The following BANK1 variants were observed in gnomAD, a reference collection of about 807,000 sequenced individuals.
BANK1 encodes B-cell scaffold protein with ankyrin repeats.
In BANK1, 95 loss-of-function variants were observed where a neutral mutation model predicts 94.5. The ratio of observed to expected loss-of-function variants is 1.00; its 90% CI spans 0.85 to 1.19. BANK1 has a LOEUF of 1.19. Among genes scored for constraint, BANK1 ranks in the 50% most tolerant of loss-of-function variants. BANK1 has a pLI of 0.00. For missense variants in BANK1, 987 were observed against 932.2 expected (o/e 1.06, Z -0.77); for synonymous variants, 334 against 308.4 (o/e 1.08, Z -0.87).
chr4:101,880,105 G>T lies in BANK1; in HGVS notation c.903+9461G>T, dbSNP rs189774561. Among the ~76,000 whole-genome samples the T allele has an allele frequency of 1.0e-3, 152 of 152,058 alleles. No individual in the cohort carries two copies. The East Asian group carries it at 0.013, about 13-fold the overall frequency. On this transcript the variant is annotated intron_variant, in intron 5 of 16. Transcript: ENST00000322953. ...TCCTAGCTAGAGCAATAAGAGAAAA[G>T]AAATAAATAAAGGCATCCAAACTGG...
intron 7 of BANK1, among the ~76,000 whole-genome samples, chr4:101,997,410 G>A (rs532481528): frequency 6.6e-6 from 1 of 152,194 alleles, no homozygotes; most frequent in South Asian, 2.1e-4. Flanking sequence ...TTGTGTCTCT[G>A]CCAGGTTTTG....
intron 5 of BANK1, among the ~76,000 whole-genome samples, chr4:101,894,694 T>G (rs1423871857): frequency 3.3e-5 from 5 of 151,920 alleles, no homozygotes; most frequent in Admixed American, 6.6e-5. Context: ...GAATACTGGT[T>G]TTTGTAACAG....
At chr4:101,812,672 T>C (rs2148855098) in intron 1 of BANK1, among the ~76,000 whole-genome samples, 1 of 152,202 alleles carries the variant, frequency 6.6e-6, no homozygotes, top group South Asian at 2.1e-4. Flanking sequence ...CTTCATATTC[T>C]AAAATCATTT....
chr4:102,053,038 A>G (rs1013315944), intron 11 of BANK1, among the ~76,000 whole-genome samples: 2 of 152,360 alleles, frequency 1.3e-5, no homozygotes, highest in African/African-American at 4.8e-5. Flanking sequence ...CATTGGTCAC[A>G]ACAAAAGGGA....
intron 11 of BANK1, among the ~76,000 whole-genome samples, chr4:102,055,343 C>T (rs1466930085): frequency 6.6e-6 from 1 of 151,710 alleles, no homozygotes; most frequent in Non-Finnish European, 1.5e-5. Context: ...TTTAAAAAAT[C>T]TTATAAAATA....
intron 2 of BANK1, among the ~76,000 whole-genome samples, chr4:101,845,274 C>T (rs769506143): frequency 1.1e-4 from 16 of 152,188 alleles, no homozygotes; most frequent in Middle Eastern, 6.8e-3. Flanking sequence ...AAAGATACTA[C>T]ATCACCAATT....
At chr4:101,952,686 C>T (rs1305349004) in intron 7 of BANK1, among the ~76,000 whole-genome samples, 2 of 151,994 alleles carry the variant, frequency 1.3e-5, no homozygotes, top group Non-Finnish European at 2.9e-5. Flanking sequence ...AAATCAATGC[C>T]AGACCTTGAT....
intron 10 of BANK1, among the ~76,000 whole-genome samples, chr4:102,039,132 C>T (rs1310219061): frequency 5.9e-5 from 9 of 152,146 alleles, no homozygotes; most frequent in African/African-American, 1.4e-4. Context: ...CACCTACATA[C>T]GTCTGCCATG....
chr4:101,903,599 G>C (rs563311243), intron 6 of BANK1, among the ~76,000 whole-genome samples: 1 of 152,118 alleles, frequency 6.6e-6, no homozygotes, highest in Non-Finnish European at 1.5e-5. Context: ...GACTTGCTTT[G>C]CAATTAGTTG....
intron 1 of BANK1, among the ~76,000 whole-genome samples, chr4:101,815,494 T>C (rs1308000877): frequency 6.6e-6 from 1 of 152,148 alleles, no homozygotes; most frequent in Non-Finnish European, 1.5e-5. Flanking sequence ...ATGTCAATTA[T>C]TTCTTCAAGA....
intron 1 of BANK1, among the ~76,000 whole-genome samples, chr4:101,797,022 T>G (rs965351840): frequency 2.6e-5 from 4 of 152,168 alleles, no homozygotes; most frequent in African/African-American, 9.7e-5. Flanking sequence ...TTAATATCAG[T>G]ATGAAGCAAT....
intron 7 of BANK1, among the ~76,000 whole-genome samples, chr4:101,989,101 A>T (rs925590270): frequency 6.6e-6 from 1 of 152,150 alleles, no homozygotes; most frequent in African/African-American, 2.4e-5. Flanking sequence ...AGGCAGAAGG[A>T]CTGCTTGAGC....
intron 5 of BANK1, among the ~76,000 whole-genome samples, chr4:101,884,354 AT>A (rs1274402592): frequency 2.0e-5 from 3 of 151,218 alleles, no homozygotes; most frequent in African/African-American, 7.3e-5. Flanking sequence ...TCCTGATTCA[AT>A]TTTTTTTTGT....
At chr4:101,844,502 T>C (rs935178236) in intron 2 of BANK1, among the ~76,000 whole-genome samples, 1 of 152,136 alleles carries the variant, frequency 6.6e-6, no homozygotes, top group African/African-American at 2.4e-5. Flanking sequence ...ACTTCTCTTG[T>C]GTGAGGCTGA....
intron 11 of BANK1, among the ~76,000 whole-genome samples, chr4:102,059,549 G>GAA (rs1242932252): frequency 6.6e-6 from 1 of 152,160 alleles, no homozygotes; most frequent in Non-Finnish European, 1.5e-5. Flanking sequence ...GCAGACAAGG[G>GAA]AAACACTGAG....
At chr4:101,841,939 C>A (rs1353036085) in intron 2 of BANK1, among the ~76,000 whole-genome samples, 1 of 151,650 alleles carries the variant, frequency 6.6e-6, no homozygotes, top group Admixed American at 6.6e-5. Context: ...TAGGGAGGAG[C>A]AAAAATTTTA....
rs137909890 is a variant in BANK1, at chr4:102,009,768, C to T, written c.1207-11746C>T. Among the ~76,000 whole-genome samples the T allele has an allele frequency of 5.9e-3, 897 of 152,134 alleles. 5 individuals carry two copies. The highest frequency in any genetic ancestry group is 8.6e-3 in the Non-Finnish European group (582 of 67,976). ...GTTAACATAAGTACAGAACTTAGAT[C>T]GGTGACTGGTAAATAGTAAATGTTA... On this transcript the variant is annotated intron_variant, in intron 7 of 16. Transcript: ENST00000322953.
chr4:101,811,072 T>TA (rs1281006665), intron 1 of BANK1, among the ~76,000 whole-genome samples: 1 of 152,130 alleles, frequency 6.6e-6, no homozygotes, highest in African/African-American at 2.4e-5. Flanking sequence ...TAACTAAAAT[T>TA]AAAGAGCTTT....
At chr4:101,864,582 CT>C (rs1488793448) in intron 4 of BANK1, among the ~76,000 whole-genome samples, 4 of 152,074 alleles carry the variant, frequency 2.6e-5, no homozygotes, top group Admixed American at 1.3e-4. Flanking sequence ...GGTGTGATAC[CT>C]TTCCTCACCA....
Sources: gnomAD v4.1 joint callset for allele counts (sites outside exome capture counted in the v4.1 genomes callset) on GRCh38, gnomAD v4.1.1 for gene constraint, MANE v1.5 for transcripts, NCBI Gene and HGNC (gene_info 2026-07-23, HGNC 2026-07-21) for gene names.